The following CBL variants were observed in gnomAD, a reference collection of about 807,000 sequenced individuals.
The protein encoded by CBL is Cbl proto-oncogene.
A neutral mutation model predicts 96.9 loss-of-function variants in CBL; 45 were observed. That is an observed-to-expected ratio of 0.46 (90% CI 0.37 to 0.60). The LOEUF is 0.60. Ranked by LOEUF, CBL falls within the 20% of genes least tolerant of loss-of-function variation. CBL has a pLI of 0.00. For synonymous variants in CBL, 420 were observed against 426.8 expected, an observed-to-expected ratio of 0.98 and a Z score of 0.20; for missense variants, 1,024 against 1,143.5, an observed-to-expected ratio of 0.90 and a Z score of 1.51.
intron 12 of CBL, among the ~76,000 whole-genome samples, chr11:119,291,616 G>A (rs1482239874): frequency 2.0e-5 from 3 of 152,162 alleles, no homozygotes; most frequent in African/African-American, 7.2e-5. Context: ...GCTGAAGTGG[G>A]CGGATCACCT....
In CBL at chr11:119,252,622, G is replaced by A. The variant is rs908906231; in HGVS notation, c.444-19113G>A. Reference sequence around the variant, plus strand: ...TATAATCCCAGCACTTTGGGAGGCCGAGGCGGGTGGATCACCTGAGGTCAG... The same window carrying A: ...TATAATCCCAGCACTTTGGGAGGCCAAGGCGGGTGGATCACCTGAGGTCAG... On this transcript the variant is annotated intron_variant, in intron 2 of 15. Coordinates refer to ENST00000264033, the MANE Select transcript of CBL (RefSeq NM_005188.4). 4.6e-5 allele frequency among the ~76,000 whole-genome samples: 7 copies of A among 152,204 alleles called. No individual in the cohort carries two copies. In the South Asian group the frequency reaches 8.3e-4, roughly 18 times the overall value.
chr11:119,284,007 A>G (rs1350875346), intron 9 of CBL, among the ~76,000 whole-genome samples: 1 of 151,904 alleles, frequency 6.6e-6, no homozygotes, highest in Non-Finnish European at 1.5e-5. Context: ...ATTCTTGATC[A>G]TTTTTCTTTA....
chr11:119,228,091 C>A (rs928649568), intron 1 of CBL, among the ~76,000 whole-genome samples: 7 of 151,090 alleles, frequency 4.6e-5, no homozygotes, highest in Non-Finnish European at 8.8e-5. Flanking sequence ...GAGGCGTCCT[C>A]TTCTTTTAAA....
chr11:119,264,414 T>TTCTCTTCTCTTCTCG (rs1397704818), intron 2 of CBL, among the ~76,000 whole-genome samples: 1 of 123,032 alleles, frequency 8.1e-6, no homozygotes, highest in African/African-American at 3.3e-5. Flanking sequence ...TTCTCTTCTC[T>TTCTCTTCTCTTCTCG]TCTCTTCTCT....
chr11:119,258,447 C>A (rs114859660), intron 2 of CBL, among the ~76,000 whole-genome samples: 7,357 of 152,020 alleles, frequency 0.048, 590 homozygotes, highest in African/African-American at 0.17. Flanking sequence ...TACACACTTT[C>A]AAAGGACCAG....
At chr11:119,213,814 C>T (rs1404301005) in intron 1 of CBL, among the ~76,000 whole-genome samples, 1 of 151,152 alleles carries the variant, frequency 6.6e-6, no homozygotes, top group Non-Finnish European at 1.5e-5. Flanking sequence ...TCAAGCCTTC[C>T]TCCCGCTTTG....
chr11:119,258,201 C>G (rs1949725374), intron 2 of CBL, among the ~76,000 whole-genome samples: 1 of 152,128 alleles, frequency 6.6e-6, no homozygotes. Flanking sequence ...GCACTCCAGC[C>G]TGGGCGACAA....
chr11:119,249,551 C>CAA (rs11378996), intron 2 of CBL, among the ~76,000 whole-genome samples: 11,058 of 116,000 alleles, frequency 0.095, 711 homozygotes, highest in South Asian at 0.33. Flanking sequence ...GACTCGGTCT[C>CAA]AAAAAAAAAA....
chr11:119,261,286 G>A (rs956693554), intron 2 of CBL, among the ~76,000 whole-genome samples: 3 of 151,920 alleles, frequency 2.0e-5, no homozygotes, highest in South Asian at 4.2e-4. Context: ...TCTTATATTC[G>A]GACAGAGAAC....
In CBL at chr11:119,297,385, G is replaced by A. The variant is rs757126995; in HGVS notation, c.2155G>A (p.Ala719Thr). Residue 719 changes from alanine to threonine, a missense_variant and splice_region_variant, in exon 14 of 16, where the codon GCA (alanine) becomes ACA (threonine). By Grantham distance (58) the Ala-to-Thr change is moderately conservative. Transcript: ENST00000264033. ...TATGGCACTTTCCTTCTGGTTCAGAGCATGTGATTGCGACCAGCAGATTGA... is the reference window on the plus strand; with the variant it reads ...TATGGCACTTTCCTTCTGGTTCAGAACATGTGATTGCGACCAGCAGATTGA... ...RPLDTSQSSR[A>T]CDCDQQIDSC... 2 of 1,610,498 alleles carry A rather than the reference G, an allele frequency of 1.2e-6. No individual in the cohort carries two copies. Among genetic ancestry groups the A allele is most frequent in the Admixed American group, 1.7e-5 (1 of 59,978 alleles).
intron 1 of CBL, among the ~76,000 whole-genome samples, chr11:119,218,593 C>T (rs984657607): frequency 6.6e-6 from 1 of 152,150 alleles, no homozygotes; most frequent in African/African-American, 2.4e-5. Context: ...CTGTCCTGGG[C>T]ATGAATCATC....
chr11:119,215,387 T>C (rs950077270), intron 1 of CBL, among the ~76,000 whole-genome samples: 1 of 151,884 alleles, frequency 6.6e-6, no homozygotes, highest in Non-Finnish European at 1.5e-5. Context: ...CCTAGAGTGC[T>C]AAGAGCAAAA....
At chr11:119,292,617 T>A (rs888249537) in intron 12 of CBL, among the ~76,000 whole-genome samples, 8 of 151,900 alleles carry the variant, frequency 5.3e-5, no homozygotes, top group African/African-American at 1.9e-4. Flanking sequence ...AGAGACGGGG[T>A]TTCACCACGT....
At position 119,278,597 on chromosome 11, in the gene CBL, A is replaced by G. The variant is rs761300890; in HGVS notation, c.1315A>G (p.Ser439Gly). The stretch of plus-strand genomic sequence containing the variant: ...GGTAGATCCGTTTGATCCTAGAGGG[A>G]GTGGCAGCCTGTTGAGGCAAGGAGC... ...IVVDPFDPRG[S>G]GSLLRQGAEG... The change falls in exon 9 of 16, where the codon AGT becomes GGT. Residue 439 changes from serine (S) to glycine (G), a missense_variant. Transcript: ENST00000264033. 2 of 1,614,048 alleles carry G rather than the reference A, an allele frequency of 1.2e-6. No homozygotes were observed. The highest frequency in any genetic ancestry group is 1.7e-6 in the Non-Finnish European group (2 of 1,179,966).
intron 2 of CBL, among the ~76,000 whole-genome samples, chr11:119,264,609 G>A (rs985569578): frequency 6.6e-6 from 1 of 151,686 alleles, no homozygotes; most frequent in African/African-American, 2.4e-5. Context: ...AGCATCCCTA[G>A]TAGCTGAGAC....
At chr11:119,290,907 A>C (rs1477641091) in intron 12 of CBL, among the ~76,000 whole-genome samples, 1 of 151,830 alleles carries the variant, frequency 6.6e-6, no homozygotes, top group Non-Finnish European at 1.5e-5. Flanking sequence ...CGAACTCCTG[A>C]CTTCAAGTGA....
At chr11:119,253,903 A>G (rs1467406315) in intron 2 of CBL, among the ~76,000 whole-genome samples, 1 of 151,144 alleles carries the variant, frequency 6.6e-6, no homozygotes, top group African/African-American at 2.4e-5. Flanking sequence ...TTTGTAAGTA[A>G]TCCCAGCACT....
intron 1 of CBL, among the ~76,000 whole-genome samples, chr11:119,214,538 C>T (rs528676801): frequency 1.4e-4 from 22 of 152,282 alleles, no homozygotes; most frequent in Middle Eastern, 3.4e-3. Flanking sequence ...TGTGAGCCAC[C>T]GTGCCTGGGC....
At position 119,275,020 on chromosome 11, in the gene CBL, A is replaced by G; in HGVS notation, c.869+67A>G. On this transcript the variant is annotated intron_variant, in intron 5 of 15. Transcript: ENST00000264033. ...GTTATCTTGAGACTTCTGCTAGTAT[A>G]GAAGAAACATGACCTTAATTAGTTT... The G allele has an allele frequency of 1.9e-6, 3 of 1,563,946 alleles. No individual in the cohort carries two copies. In the East Asian group the frequency reaches 6.7e-5, roughly 35 times the overall value.
Sources: gnomAD v4.1 joint callset for allele counts (sites outside exome capture counted in the v4.1 genomes callset) on GRCh38, gnomAD v4.1.1 for gene constraint, MANE v1.5 for transcripts, NCBI Gene and HGNC (gene_info 2026-07-23, HGNC 2026-07-21) for gene names.